NAA11: variants seen among roughly 807,000 people sequenced by gnomAD.
NAA11 encodes N-alpha-acetyltransferase 11.
Under a neutral mutation model 16.1 loss-of-function variants are expected in NAA11, and 15 were observed. The observed-to-expected ratio is 0.93, with a 90% confidence interval of 0.62 to 1.44. The LOEUF (loss-of-function observed/expected upper bound fraction) is 1.44. Ranked by LOEUF, NAA11 falls within the 40% of genes most tolerant of loss-of-function variation. The pLI, the probability that NAA11 is intolerant of heterozygous loss-of-function variation, is 0.00. For missense variants in NAA11, 298 were observed against 291.3 expected (o/e 1.02, Z -0.17); for synonymous variants, 122 against 112.4 (o/e 1.09, Z -0.54).
In NAA11 at chr4:79,325,376, C is replaced by T. The variant is rs1424791271; in HGVS notation, c.502G>A (p.Gly168Arg). 13 of 1,613,920 alleles carry T rather than the reference C, an allele frequency of 8.1e-6. No homozygotes were observed. Among genetic ancestry groups the T allele is most frequent in the Admixed American group, 3.3e-5 (2 of 60,002 alleles). Residue 168 changes from glycine (G) to arginine (R), a missense_variant, in exon 1 of 2, where the codon GGG becomes AGG. Gly to Arg is a moderately radical substitution (Grantham distance 125, BLOSUM62 -2). Coordinates refer to ENST00000286794, the MANE Select transcript of NAA11 (RefSeq NM_032693.3). ...TCCCTGGAGCCCAGGACCACATACC[C>T]GCCCTTCTTCAGGTCCATTTGTCGT... Reference protein sequence around the residue: ...LRRQMDLKKGGYVVLGSRENQ... With the variant: ...LRRQMDLKKGRYVVLGSRENQ...
At chr4:79,219,322 T>G in the NAA11 span, among the ~76,000 whole-genome samples, 1 of 152,132 alleles carries the variant, frequency 6.6e-6, no homozygotes, top group Admixed American at 6.6e-5. Flanking sequence ...TTCCCTCCAG[T>G]AGACCTGACA....
At chr4:79,287,021 G>T (rs1578179475) in intron 2 of NAA11, among the ~76,000 whole-genome samples, 1 of 152,064 alleles carries the variant, frequency 6.6e-6, no homozygotes, top group African/African-American at 2.4e-5. Flanking sequence ...AGGCTGTGAG[G>T]TGTCATTAAC....
At chr4:79,180,672 C>T in the NAA11 span, among the ~76,000 whole-genome samples, 14,324 of 151,996 alleles carry the variant, frequency 0.094, 854 homozygotes, top group African/African-American at 0.16. Flanking sequence ...GACAGTGTGG[C>T]GATTCCTCAA....
chr4:79,277,665 A>G (rs545050874), intron 2 of NAA11, among the ~76,000 whole-genome samples: 2 of 151,930 alleles, frequency 1.3e-5, no homozygotes, highest in South Asian at 4.2e-4. Context: ...GCTCCACCCT[A>G]ACTCATTCCG....
chr4:79,289,111 C>T (rs1723018785), intron 2 of NAA11, among the ~76,000 whole-genome samples: 1 of 152,190 alleles, frequency 6.6e-6, no homozygotes, highest in Admixed American at 6.5e-5. Context: ...TCATAATGCC[C>T]TTTGGCACAT....
At chr4:79,209,293 A>G in the NAA11 span, among the ~76,000 whole-genome samples, 3 of 152,206 alleles carry the variant, frequency 2.0e-5, no homozygotes, top group Non-Finnish European at 4.4e-5. Context: ...GAGATGAATA[A>G]TTGAAGCATT....
chr4:79,258,948 A>C (rs141802621), intron 2 of NAA11: 1 of 213,206 alleles, frequency 4.7e-6, no homozygotes, highest in African/African-American at 2.4e-5. Context: ...AGACATCAGG[A>C]TGACCAGCTG....
chr4:79,283,015 G>A (rs917919542), intron 2 of NAA11, among the ~76,000 whole-genome samples: 1 of 152,008 alleles, frequency 6.6e-6, no homozygotes, highest in Non-Finnish European at 1.5e-5. Context: ...AGGACAGAAG[G>A]GTTCACCATG....
At chr4:79,221,834 C>A (rs1721193680), downstream of NAA11, among the ~76,000 whole-genome samples, 1 of 119,806 alleles carries the variant, frequency 8.3e-6, no homozygotes, top group African/African-American at 2.9e-5. Context: ...GTCTAAAATT[C>A]TCTTTTTTTG....
the NAA11 span, among the ~76,000 whole-genome samples, chr4:79,212,307 T>A: frequency 6.6e-6 from 1 of 152,190 alleles, no homozygotes; most frequent in Non-Finnish European, 1.5e-5. Flanking sequence ...TTAAAGTTTT[T>A]CTTTTCATTT....
chr4:79,210,061 G>T, the NAA11 span, among the ~76,000 whole-genome samples: 1 of 152,102 alleles, frequency 6.6e-6, no homozygotes, highest in Non-Finnish European at 1.5e-5. Context: ...AAATACACTG[G>T]TTAAATTTGT....
chr4:79,212,687 G>A, the NAA11 span, among the ~76,000 whole-genome samples: 1 of 151,878 alleles, frequency 6.6e-6, no homozygotes, highest in African/African-American at 2.4e-5. Context: ...TCATAGTCAC[G>A]TAACTTATAA....
At chr4:79,207,142 C>A in the NAA11 span, among the ~76,000 whole-genome samples, 3 of 151,796 alleles carry the variant, frequency 2.0e-5, no homozygotes, top group Non-Finnish European at 4.4e-5. Context: ...TGTATCATCA[C>A]CAAATAGACA....
intron 2 of NAA11, among the ~76,000 whole-genome samples, chr4:79,256,310 G>GA (rs1378261595): frequency 6.6e-6 from 1 of 151,932 alleles, no homozygotes; most frequent in African/African-American, 2.4e-5. Context: ...TCTCCTGTAT[G>GA]AAAAAAGTGA....
the NAA11 span, among the ~76,000 whole-genome samples, chr4:79,198,620 A>G: frequency 6.6e-6 from 1 of 151,890 alleles, no homozygotes; most frequent in South Asian, 2.1e-4. Context: ...GAAAGAGGAG[A>G]CAGTGTAGAA....
intron 2 of NAA11, among the ~76,000 whole-genome samples, chr4:79,273,601 T>C (rs1490699071): frequency 6.6e-6 from 1 of 152,040 alleles, no homozygotes; most frequent in East Asian, 1.9e-4. Flanking sequence ...TTGTCTTCTT[T>C]TGTGGTCAAT....
the NAA11 span, among the ~76,000 whole-genome samples, chr4:79,188,663 T>A: frequency 6.6e-6 from 1 of 152,174 alleles, no homozygotes; most frequent in Non-Finnish European, 1.5e-5. Flanking sequence ...ATTTTACACT[T>A]CGGAGATATA....
intron 2 of NAA11, among the ~76,000 whole-genome samples, chr4:79,256,651 A>ATATATATATATATATAT (rs1722113513): frequency 3.8e-5 from 5 of 130,764 alleles, no homozygotes; most frequent in African/African-American, 1.5e-4. Flanking sequence ...TATAAATATA[A>ATATATATATATATATAT]ATATATATAT....
chr4:79,293,723 A>C (rs918611025), intron 2 of NAA11, among the ~76,000 whole-genome samples: 16 of 152,174 alleles, frequency 1.1e-4, no homozygotes, highest in Non-Finnish European at 1.5e-5. Context: ...TGAGAAATCG[A>C]ATGACCAACT....
Sources: allele counts gnomAD v4.1 joint callset (sites outside exome capture counted in the v4.1 genomes callset), GRCh38; gene constraint gnomAD v4.1.1; transcripts MANE v1.5; gene names NCBI Gene and HGNC (gene_info 2026-07-23, HGNC 2026-07-21).